TUSC3: variants seen among roughly 807,000 people sequenced by gnomAD.
The protein encoded by TUSC3 is tumor suppressor candidate 3, also known as dolichyl-diphosphooligosaccharide--protein glycosyltransferase subunit TUSC3.
A neutral mutation model predicts 44.8 loss-of-function variants in TUSC3; 45 were observed. That is an observed-to-expected ratio of 1.00 (90% CI 0.79 to 1.29). The LOEUF (loss-of-function observed/expected upper bound fraction) is 1.29. Among genes scored for constraint, TUSC3 ranks in the 50% most tolerant of loss-of-function variants. The probability of loss-of-function intolerance (pLI) is 0.00; values close to 1 mark genes in which losing one functional copy is unlikely to be tolerated. For synonymous variants in TUSC3, 212 were observed against 152.9 expected (o/e 1.39, Z -2.85); for missense variants, 519 against 437.9 (o/e 1.19, Z -1.65).
chr8:15,504,988 G>A (rs956043229), intron 2 of TUSC3, among the ~76,000 whole-genome samples: 2 of 151,886 alleles, frequency 1.3e-5, no homozygotes, highest in African/African-American at 4.8e-5. Flanking sequence ...TGAGGTGCGG[G>A]CTTCCTAAAC....
At chr8:15,717,702 A>G (rs1328635824) in intron 6 of TUSC3, among the ~76,000 whole-genome samples, 2 of 152,132 alleles carry the variant, frequency 1.3e-5, no homozygotes, top group African/African-American at 2.4e-5. Context: ...TTGGACATAT[A>G]GCTAAATTGG....
At chr8:15,727,867 T>C (rs978052876) in intron 6 of TUSC3, among the ~76,000 whole-genome samples, 5 of 152,226 alleles carry the variant, frequency 3.3e-5, no homozygotes, top group Admixed American at 2.6e-4. Flanking sequence ...GTAAAGTATC[T>C]TGAGGAATAT....
intron 1 of TUSC3, among the ~76,000 whole-genome samples, chr8:15,600,350 A>T (rs527662193): frequency 6.6e-6 from 1 of 151,882 alleles, no homozygotes; most frequent in South Asian, 2.1e-4. Flanking sequence ...AAAAATAGAG[A>T]TGCTTCATCT....
chr8:15,543,537 A>G (rs577698198), intron 1 of TUSC3, among the ~76,000 whole-genome samples: 39 of 152,248 alleles, frequency 2.6e-4, no homozygotes, highest in Admixed American at 5.9e-4. Flanking sequence ...TATAATACCC[A>G]TATCTCAGGT....
chr8:15,645,974 C>T (rs1423154284), intron 2 of TUSC3, among the ~76,000 whole-genome samples: 1 of 152,064 alleles, frequency 6.6e-6, no homozygotes, highest in Non-Finnish European at 1.5e-5. Flanking sequence ...GGCTATGAAA[C>T]TATATTATTC....
the TUSC3 span, among the ~76,000 whole-genome samples, chr8:15,843,659 A>T: frequency 6.7e-6 from 1 of 148,834 alleles, no homozygotes; most frequent in East Asian, 1.9e-4. Context: ...TATCTACATG[A>T]TGTTTATAAT....
At position 15,635,885 on chromosome 8, in the gene TUSC3, G is replaced by T. The variant is rs551929067; in HGVS notation, c.308+12636G>T. Among the ~76,000 whole-genome samples, 36 of 152,232 alleles carry T rather than the reference G, an allele frequency of 2.4e-4. 2 individuals are homozygous for T. The South Asian group carries it at 7.3e-3, about 31-fold the overall frequency. On this transcript the variant is annotated intron_variant, in intron 2 of 10. Coordinates refer to ENST00000503731, the MANE Select transcript of TUSC3 (RefSeq NM_006765.4). ...GATTCCAGATGGTTTGTCAGATTAT[G>T]GGTCCTCACTGTGGGCGACTACGTT...
At position 15,765,918 on chromosome 8, in the gene TUSC3, T is replaced by G. The variant is rs1190104076; in HGVS notation, c.*1762T>G. ...CATTTGTTAATTATAATCACTTTTG[T>G]TTGTATCCTTAAATCTCAGAATTAT... is the stretch of plus-strand genomic sequence containing the variant. On this transcript the variant is annotated 3_prime_UTR_variant, in exon 11 of 11. Coordinates refer to ENST00000503731, the MANE Select transcript of TUSC3 (RefSeq NM_006765.4). The G allele has an allele frequency of 6.6e-6, 1 of 152,080 alleles. No homozygotes were observed. Among genetic ancestry groups the G allele is most frequent in the Non-Finnish European group, 1.5e-5 (1 of 67,960 alleles). 9.4% of individuals were successfully genotyped at this position (152,080 alleles called of 1,614,324 possible).
chr8:15,622,296 CCTTT>C (rs1198010959), intron 1 of TUSC3, among the ~76,000 whole-genome samples: 1 of 150,990 alleles, frequency 6.6e-6, no homozygotes, highest in African/African-American at 2.4e-5. Context: ...TTTTTTCCTT[CCTTT>C]CTTTCTTTTT....
chr8:15,689,663 A>G (rs929973071), intron 6 of TUSC3: 1 of 152,902 alleles, frequency 6.5e-6, no homozygotes, highest in African/African-American at 2.4e-5. Context: ...TTGTGTCTAT[A>G]TGTACTCAGT....
chr8:15,607,303 T>G (rs1203121221), intron 1 of TUSC3, among the ~76,000 whole-genome samples: 1 of 152,144 alleles, frequency 6.6e-6, no homozygotes, highest in African/African-American at 2.4e-5. Flanking sequence ...ACAGTGATGG[T>G]AGAGACAGTT....
the TUSC3 span, among the ~76,000 whole-genome samples, chr8:15,844,817 C>CT: frequency 6.6e-6 from 1 of 152,132 alleles, no homozygotes; most frequent in Non-Finnish European, 1.5e-5. Context: ...ATTTTAAAGC[C>CT]TATCTACTCT....
At chr8:15,686,088 A>G (rs1474043499) in intron 6 of TUSC3, among the ~76,000 whole-genome samples, 5 of 152,154 alleles carry the variant, frequency 3.3e-5, no homozygotes, top group African/African-American at 1.2e-4. Flanking sequence ...ATACTATGTA[A>G]TGGCACAAGT....
At chr8:15,510,587 G>C (rs993539939) in intron 2 of TUSC3, among the ~76,000 whole-genome samples, 2 of 152,130 alleles carry the variant, frequency 1.3e-5, no homozygotes, top group African/African-American at 2.4e-5. Flanking sequence ...ATATCAGTTT[G>C]TAGTTAAAAA....
chr8:15,780,356 C>A, the TUSC3 span, among the ~76,000 whole-genome samples: 1 of 152,116 alleles, frequency 6.6e-6, no homozygotes, highest in Non-Finnish European at 1.5e-5. Flanking sequence ...GCCACACATA[C>A]AGTGTCCTAA....
chr8:15,807,823 G>T, the TUSC3 span, among the ~76,000 whole-genome samples: 1 of 152,126 alleles, frequency 6.6e-6, no homozygotes, highest in Non-Finnish European at 1.5e-5. Flanking sequence ...GAGAACTCAT[G>T]AACATAAATA....
chr8:15,631,539 A>C (rs376395573), intron 2 of TUSC3, among the ~76,000 whole-genome samples: 1 of 152,098 alleles, frequency 6.6e-6, no homozygotes, highest in African/African-American at 2.4e-5. Flanking sequence ...GCCACTTTGC[A>C]TTTTGCTCTC....
At chr8:15,802,222 T>A in the TUSC3 span, among the ~76,000 whole-genome samples, 5 of 152,158 alleles carry the variant, frequency 3.3e-5, no homozygotes, top group African/African-American at 4.8e-5. Flanking sequence ...AGTCACTGGG[T>A]GAAATCCCAC....
chr8:15,751,222 A>G (rs1167908020), intron 9 of TUSC3, among the ~76,000 whole-genome samples: 4 of 152,148 alleles, frequency 2.6e-5, no homozygotes, highest in Admixed American at 2.6e-4. Context: ...TTTATTGGAG[A>G]GAGATATGGA....
Sources: gnomAD v4.1 joint callset for allele counts (sites outside exome capture counted in the v4.1 genomes callset) on GRCh38, gnomAD v4.1.1 for gene constraint, MANE v1.5 for transcripts, NCBI Gene and HGNC (gene_info 2026-07-23, HGNC 2026-07-21) for gene names.